CPED1: variants seen among roughly 807,000 people sequenced by gnomAD.
The protein encoded by CPED1 is cadherin like and PC-esterase domain containing 1.
In CPED1, 114 loss-of-function variants were observed where a neutral mutation model predicts 128.2. That is an observed-to-expected ratio of 0.89 (90% CI 0.76 to 1.04). The LOEUF is 1.04. Ranked by LOEUF, CPED1 falls within the 50% of genes least tolerant of loss-of-function variation. CPED1 has a pLI of 0.00. For missense variants in CPED1, 1,211 were observed against 1,207.1 expected (o/e 1.00, Z -0.05); for synonymous variants, 462 against 426.7 (o/e 1.08, Z -1.02).
chr7:121,060,930 G>A (rs191761696), intron 4 of CPED1, among the ~76,000 whole-genome samples: 1,933 of 151,988 alleles, frequency 0.013, 24 homozygotes, highest in Middle Eastern at 0.024. Context: ...TGAAGCCAGC[G>A]AGACCACGAG....
chr7:121,096,752 A>G (rs1004090890), intron 5 of CPED1, among the ~76,000 whole-genome samples: 13 of 152,178 alleles, frequency 8.5e-5, no homozygotes, highest in Non-Finnish European at 1.6e-4. Flanking sequence ...AGCTATTAAG[A>G]GGTATGTATG....
intron 16 of CPED1, among the ~76,000 whole-genome samples, chr7:121,214,692 G>A (rs1797720711): frequency 7.9e-5 from 12 of 151,970 alleles, no homozygotes; most frequent in Admixed American, 7.9e-4. Flanking sequence ...ATGCTTCATA[G>A]GTTTCTAATT....
At chr7:121,188,125 C>T (rs186443062) in intron 16 of CPED1, among the ~76,000 whole-genome samples, 57 of 152,040 alleles carry the variant, frequency 3.7e-4, no homozygotes, top group African/African-American at 1.2e-3. Flanking sequence ...AAATATATAT[C>T]GAAGCATTTA....
At chr7:121,131,568 A>T (rs1451663205) in intron 12 of CPED1, among the ~76,000 whole-genome samples, 2 of 150,722 alleles carry the variant, frequency 1.3e-5, no homozygotes, top group African/African-American at 4.9e-5. Context: ...TCCCAAGCAA[A>T]TTTTTCTCAA....
intron 5 of CPED1, among the ~76,000 whole-genome samples, chr7:121,089,800 A>T (rs1002171723): frequency 2.6e-5 from 4 of 152,176 alleles, no homozygotes; most frequent in African/African-American, 4.8e-5. Context: ...GTTATTAATG[A>T]TGCTCATTAA....
intron 16 of CPED1, among the ~76,000 whole-genome samples, chr7:121,162,879 T>G (rs1796441901): frequency 6.6e-6 from 1 of 152,218 alleles, no homozygotes; most frequent in Admixed American, 6.5e-5. Context: ...ACTGATTGGA[T>G]TTTGTACCCA....
chr7:121,216,918 T>A (rs1797771685), intron 16 of CPED1, among the ~76,000 whole-genome samples: 1 of 151,892 alleles, frequency 6.6e-6, no homozygotes, highest in South Asian at 2.1e-4. Flanking sequence ...ACTGTTACAC[T>A]TTTTTTTGGA....
At chr7:121,277,134 T>C (rs1562860151) in intron 22 of CPED1, among the ~76,000 whole-genome samples, 1 of 152,098 alleles carries the variant, frequency 6.6e-6, no homozygotes, top group Non-Finnish European at 1.5e-5. Context: ...TAAAAAATGA[T>C]ATCTATAGAT....
intron 2 of CPED1, among the ~76,000 whole-genome samples, chr7:121,014,354 C>T (rs1792242635): frequency 6.6e-6 from 1 of 152,044 alleles, no homozygotes; most frequent in Non-Finnish European, 1.5e-5. Context: ...AGATCAAGAC[C>T]ATCCTGGCTA....
intron 18 of CPED1, among the ~76,000 whole-genome samples, chr7:121,256,585 C>T (rs767714254): frequency 6.6e-6 from 1 of 152,080 alleles, no homozygotes; most frequent in Non-Finnish European, 1.5e-5. Flanking sequence ...AAAAAGAACA[C>T]TTATACACTG....
chr7:120,992,881 G>C (rs1277002974), intron 2 of CPED1, among the ~76,000 whole-genome samples: 1 of 152,130 alleles, frequency 6.6e-6, no homozygotes, highest in African/African-American at 2.4e-5. Context: ...ACTTTACCCT[G>C]CACACTTTTA....
chr7:121,010,613 C>T (rs1792134857), intron 2 of CPED1, among the ~76,000 whole-genome samples: 1 of 152,180 alleles, frequency 6.6e-6, no homozygotes, highest in Admixed American at 6.5e-5. Context: ...TATAAATCCA[C>T]AGGTGAGTGA....
chr7:121,125,559 C>T (rs780849563), intron 8 of CPED1, among the ~76,000 whole-genome samples: 5 of 151,942 alleles, frequency 3.3e-5, no homozygotes, highest in Non-Finnish European at 7.4e-5. Context: ...GAACATGCAA[C>T]GTTTGGTTTT....
intron 5 of CPED1, among the ~76,000 whole-genome samples, chr7:121,080,656 T>G (rs1362784497): frequency 6.6e-6 from 1 of 152,140 alleles, no homozygotes; most frequent in African/African-American, 2.4e-5. Flanking sequence ...GAAAGAGAAC[T>G]ATACTGTACT....
intron 16 of CPED1, chr7:121,194,965 C>A (rs139268511): frequency 6.6e-6 from 1 of 152,008 alleles, no homozygotes; most frequent in African/African-American, 2.4e-5. Flanking sequence ...TGGAACGCTT[C>A]GTGAATTTGT....
At chr7:121,012,628 A>G (rs1395993724) in intron 2 of CPED1, among the ~76,000 whole-genome samples, 1 of 152,234 alleles carries the variant, frequency 6.6e-6, no homozygotes, top group Non-Finnish European at 1.5e-5. Flanking sequence ...CTGTTGTCAG[A>G]CCGGCTAAAA....
At chr7:121,108,006 T>C (rs1795019030) in intron 7 of CPED1, among the ~76,000 whole-genome samples, 1 of 152,130 alleles carries the variant, frequency 6.6e-6, no homozygotes, top group African/African-American at 2.4e-5. Flanking sequence ...TTTCCTTCCA[T>C]ATATTAAAAT....
chr7:121,224,787 C>CTTTTTTTTT (rs143087799), intron 16 of CPED1, among the ~76,000 whole-genome samples: 41 of 56,258 alleles, frequency 7.3e-4, no homozygotes, highest in Non-Finnish European at 7.9e-4. Flanking sequence ...GCAACCCCTG[C>CTTTTTTTTT]TTTTTTTTTT....
chr7:121,229,736 G>A (rs75361007), intron 16 of CPED1, among the ~76,000 whole-genome samples: 9,945 of 151,976 alleles, frequency 0.065, 429 homozygotes, highest in Non-Finnish European at 0.08. Flanking sequence ...CAATATTTGT[G>A]CATCTTATAC....
Sources: allele counts gnomAD v4.1 joint callset (sites outside exome capture counted in the v4.1 genomes callset), GRCh38; gene constraint gnomAD v4.1.1; transcripts MANE v1.5; gene names NCBI Gene and HGNC (gene_info 2026-07-23, HGNC 2026-07-21).